The following SWT1 variants were observed in gnomAD, a reference collection of about 807,000 sequenced individuals.
SWT1 encodes the protein transcriptional protein SWT1.
SWT1 carries 33 observed loss-of-function variants against 107.3 expected under a neutral mutation model. The observed-to-expected ratio is 0.31, with a 90% confidence interval of 0.23 to 0.41. The LOEUF is 0.41. SWT1 is among the 10% of genes least tolerant of loss of function. The pLI is 1.00. For missense variants in SWT1, 898 were observed against 1,028.9 expected, an observed-to-expected ratio of 0.87 and a Z score of 1.74; for synonymous variants, 345 against 348.3, an observed-to-expected ratio of 0.99 and a Z score of 0.11.
At chr1:185,247,039 G>A (rs551553485) in intron 16 of SWT1, among the ~76,000 whole-genome samples, 12 of 152,226 alleles carry the variant, frequency 7.9e-5, no homozygotes, top group Admixed American at 1.3e-4. Flanking sequence ...TGTTGATTGC[G>A]TGTGATTGCC....
chr1:185,272,551 C>G (rs932402392), intron 17 of SWT1, among the ~76,000 whole-genome samples: 2 of 152,148 alleles, frequency 1.3e-5, no homozygotes, highest in Non-Finnish European at 2.9e-5. Context: ...ACTCTGAAGT[C>G]AAACTACCCG....
At chr1:185,197,021 G>GT (rs372111829) in intron 10 of SWT1, among the ~76,000 whole-genome samples, 1 of 152,132 alleles carries the variant, frequency 6.6e-6, no homozygotes, top group Non-Finnish European at 1.5e-5. Context: ...GGGCATCCTT[G>GT]TTTTGTGCCG....
chr1:185,272,592 C>G (rs1663949282), intron 17 of SWT1, among the ~76,000 whole-genome samples: 1 of 152,206 alleles, frequency 6.6e-6, no homozygotes, highest in African/African-American at 2.4e-5. Context: ...TACTTATTAA[C>G]TGTGTGATCT....
chr1:185,203,183 T>A (rs1256474276), intron 11 of SWT1, among the ~76,000 whole-genome samples: 1 of 152,230 alleles, frequency 6.6e-6, no homozygotes, highest in Non-Finnish European at 1.5e-5. Flanking sequence ...AGGAGATATT[T>A]AGTTGACATA....
intron 18 of SWT1, chr1:185,281,463 A>T (rs1190936740): frequency 5.3e-6 from 1 of 189,016 alleles, no homozygotes; most frequent in African/African-American, 2.4e-5. Flanking sequence ...GCAGATTATT[A>T]ACCAGGTCTA....
At chr1:185,233,155 G>A (rs958190621) in intron 16 of SWT1, among the ~76,000 whole-genome samples, 2 of 152,100 alleles carry the variant, frequency 1.3e-5, no homozygotes, top group East Asian at 3.9e-4. Flanking sequence ...CATGCTGAAG[G>A]CTGAGCATCA....
chr1:185,279,604 T>C (rs1664487953), intron 18 of SWT1, among the ~76,000 whole-genome samples: 1 of 151,988 alleles, frequency 6.6e-6, no homozygotes. Flanking sequence ...TTTTGGGTTT[T>C]TTGTGAAATT....
At chr1:185,214,161 A>T (rs1558045840) in intron 13 of SWT1, among the ~76,000 whole-genome samples, 1 of 152,080 alleles carries the variant, frequency 6.6e-6, no homozygotes, top group African/African-American at 2.4e-5. Flanking sequence ...TCTTATGTGA[A>T]ATCACCTCAG....
At chr1:185,209,841 A>G (rs1658631714) in intron 13 of SWT1, among the ~76,000 whole-genome samples, 1 of 152,226 alleles carries the variant, frequency 6.6e-6, no homozygotes, top group Non-Finnish European at 1.5e-5. Context: ...ACTCCCACCA[A>G]CAGTGTAAAA....
intron 14 of SWT1, among the ~76,000 whole-genome samples, chr1:185,221,085 T>A (rs1384127794): frequency 2.7e-5 from 4 of 148,916 alleles, no homozygotes; most frequent in Non-Finnish European, 5.9e-5. Context: ...ACACACACAC[T>A]CTTCTAGATT....
chr1:185,259,285 T>C (rs1021559500), intron 16 of SWT1, among the ~76,000 whole-genome samples: 3 of 152,200 alleles, frequency 2.0e-5, no homozygotes, highest in African/African-American at 7.2e-5. Context: ...AAGAACTATT[T>C]TGCTTTTTGA....
At chr1:185,230,259 G>A (rs1660413864) in intron 15 of SWT1, among the ~76,000 whole-genome samples, 1 of 152,190 alleles carries the variant, frequency 6.6e-6, no homozygotes, top group Non-Finnish European at 1.5e-5. Context: ...TACAGCTGCT[G>A]TAGCAAAGTA....
chr1:185,232,929 T>A (rs1396059081), intron 16 of SWT1, among the ~76,000 whole-genome samples: 1 of 152,116 alleles, frequency 6.6e-6, no homozygotes, highest in Non-Finnish European at 1.5e-5. Context: ...CAATGAAGAT[T>A]TAAAAAATTT....
intron 14 of SWT1, among the ~76,000 whole-genome samples, chr1:185,216,153 A>T (rs1659198260): frequency 6.6e-6 from 1 of 152,206 alleles, no homozygotes; most frequent in Non-Finnish European, 1.5e-5. Flanking sequence ...TTTTAAATAA[A>T]CTGAGTGGAA....
In SWT1 at chr1:185,207,084, C is replaced by T. The variant is rs575198527; in HGVS notation, c.1972+321C>T. Among the ~76,000 whole-genome samples, 676 of 152,304 alleles carry T rather than the reference C, an allele frequency of 4.4e-3. 5 individuals carry two copies. Among genetic ancestry groups the T allele is most frequent in the African/African-American group, 0.016 (647 of 41,570 alleles). Reference sequence around the variant, plus strand: ...AACTTTTAAAACCATGTTTTACATTCTGTTCAGATACACCAATAGAATTAA... The same window carrying T: ...AACTTTTAAAACCATGTTTTACATTTTGTTCAGATACACCAATAGAATTAA... On this transcript the variant is annotated intron_variant, in intron 13 of 18. Transcript: ENST00000367500.
chr1:185,179,104 C>T (rs939773195), intron 5 of SWT1, among the ~76,000 whole-genome samples: 1 of 152,092 alleles, frequency 6.6e-6, no homozygotes, highest in African/African-American at 2.4e-5. Context: ...AGCCCTGTCT[C>T]TACTAAAAAT....
At position 185,174,573 on chromosome 1, in the gene SWT1, C is replaced by G. The variant is rs766922208; in HGVS notation, c.426C>G (p.Ser142Arg). The change falls in exon 5 of 19, where the codon AGC becomes AGG. Residue 142 changes from serine (S) to arginine (R), a missense_variant. Physicochemically the swap from Ser to Arg is moderately radical, Grantham distance 110. Around this residue, in one of 6 missense-constraint regions of SWT1, gnomAD observed 382 missense variants for 362.4 expected, o/e 1.05. Transcript: ENST00000367500. The part of the protein sequence containing the change: ...PKDIKLTNAG[S>R]KLDHGIKSLS... The stretch of plus-strand genomic sequence containing the variant: ...ATATCAAATTGACAAATGCTGGGAG[C>G]AAGCTTGACCATGGAATTAAAAGCC... 2 of 1,607,106 alleles carry G rather than the reference C, an allele frequency of 1.2e-6. No homozygotes were observed. Among genetic ancestry groups the G allele is most frequent in the Non-Finnish European group, 1.7e-6 (2 of 1,178,182 alleles).
intron 18 of SWT1, among the ~76,000 whole-genome samples, chr1:185,289,150 G>A (rs1665111434): frequency 6.6e-6 from 1 of 152,126 alleles, no homozygotes; most frequent in Non-Finnish European, 1.5e-5. Flanking sequence ...AAATATAATG[G>A]ACTAATACTG....
chr1:185,196,074 A>G (rs1007935320), intron 10 of SWT1, among the ~76,000 whole-genome samples: 4 of 152,138 alleles, frequency 2.6e-5, no homozygotes, highest in African/African-American at 9.7e-5. Flanking sequence ...GCCCATGCCT[A>G]TGTCCTGAAT....
Sources: allele counts gnomAD v4.1 joint callset (sites outside exome capture counted in the v4.1 genomes callset), GRCh38; gene constraint gnomAD v4.1.1; regional missense constraint gnomAD v4.1.1; transcripts MANE v1.5; gene names NCBI Gene and HGNC (gene_info 2026-07-23, HGNC 2026-07-21).